Variants in C10orf105 observed in about 807,000 individuals in gnomAD.
C10orf105 encodes the protein uncharacterized protein C10orf105.
C10orf105 carries 2 observed loss-of-function variants against 0.6 expected under a neutral mutation model. The ratio of observed to expected loss-of-function variants is 3.18; its 90% CI spans 1.30 to 10.01. The LOEUF is 10.01. C10orf105 is among the 30% of genes most tolerant of loss of function. The pLI, the probability that C10orf105 is intolerant of heterozygous loss-of-function variation, is 0.04. For missense variants in C10orf105, 209 were observed against 191.4 expected (o/e 1.09, Z -0.54); for synonymous variants, 95 against 82.4 (o/e 1.15, Z -0.83).
At chr10:71,732,314 A>G (rs758048846) in intron 1 of C10orf105, 3 of 1,605,308 alleles carry the variant, frequency 1.9e-6, no homozygotes, top group Non-Finnish European at 2.6e-6. Flanking sequence ...CAAATCACGT[A>G]CCGCTTCAAC....
intron 1 of C10orf105, among the ~76,000 whole-genome samples, chr10:71,727,145 A>T (rs1866850594): frequency 6.6e-6 from 1 of 152,230 alleles, no homozygotes; most frequent in African/African-American, 2.4e-5. Context: ...TAATAGCCTT[A>T]TGAAGTAGGC....
chr10:71,737,691 A>AC (rs1564767428), intron 1 of C10orf105: 2 of 469,494 alleles, frequency 4.3e-6, no homozygotes, highest in Non-Finnish European at 8.8e-6. Context: ...AGCTCCTCCA[A>AC]CCCCCCTCAC....
At position 71,712,979 on chromosome 10, in the gene C10orf105, C is replaced by A; in HGVS notation, c.*2957G>T. 1 of 846,004 alleles carries A rather than the reference C, an allele frequency of 1.2e-6. No homozygotes were observed. The highest frequency in any genetic ancestry group is 2.0e-6 in the Non-Finnish European group (1 of 511,226). 52.4% of individuals were successfully genotyped at this position (846,004 alleles called of 1,614,324 possible). ...GTGGGGAAAGGGGGACCCAGGCCCT[C>A]TCCCATCCCAGGGAGTGTGGGCCCC... On this transcript the variant is annotated 3_prime_UTR_variant, in exon 2 of 2. Coordinates refer to ENST00000441508, the MANE Select transcript of C10orf105 (RefSeq NM_001164375.3).
upstream of C10orf105, among the ~76,000 whole-genome samples, chr10:71,720,472 C>A (rs1866506395): frequency 6.6e-6 from 1 of 152,024 alleles, no homozygotes; most frequent in Non-Finnish European, 1.5e-5. Context: ...AGCCTTCTTT[C>A]TCCCCAGAAG....
chr10:71,733,057 C>G (rs556955233), intron 1 of C10orf105, among the ~76,000 whole-genome samples: 12 of 150,990 alleles, frequency 7.9e-5, no homozygotes, highest in African/African-American at 3.0e-4. Flanking sequence ...GTTGTTTGAC[C>G]CATGCTTCTG....
At chr10:71,724,071 C>G, upstream of C10orf105, 1 of 1,560,288 alleles carries the variant, frequency 6.4e-7, no homozygotes, top group Non-Finnish European at 8.7e-7. Flanking sequence ...CAGATGAGGG[C>G]GAGTTTGGGC....
chr10:71,737,840 A>G, upstream of C10orf105: 1 of 464,248 alleles, frequency 2.2e-6, no homozygotes, highest in Non-Finnish European at 4.4e-6. Context: ...GACACAAAAC[A>G]ATATGCTCTT....
intron 1 of C10orf105, chr10:71,732,653 G>T: frequency 7.2e-7 from 1 of 1,384,252 alleles, no homozygotes; most frequent in Non-Finnish European, 9.3e-7. Context: ...ACAAAAAAAA[G>T]TCCCCGAGAT....
At chr10:71,736,214 C>G (rs916281902) in intron 1 of C10orf105, among the ~76,000 whole-genome samples, 1 of 152,276 alleles carries the variant, frequency 6.6e-6, no homozygotes, top group Non-Finnish European at 1.5e-5. Flanking sequence ...GGGCCCACCC[C>G]CTTTTGTTCT....
chr10:71,720,795 C>T (rs75489660), upstream of C10orf105, among the ~76,000 whole-genome samples: 467 of 152,310 alleles, frequency 3.1e-3, 1 homozygote, highest in African/African-American at 0.01. Context: ...AAAGAGCCCC[C>T]GTCTTCTCTC....
At chr10:71,734,750 C>T (rs1472105009) in intron 1 of C10orf105, 21 of 823,312 alleles carry the variant, frequency 2.6e-5, no homozygotes, top group Non-Finnish European at 3.2e-5. Flanking sequence ...CCCACCTCTC[C>T]CAGAGAGAAG....
intron 1 of C10orf105, among the ~76,000 whole-genome samples, chr10:71,731,158 G>A (rs897739828): frequency 2.0e-5 from 3 of 152,196 alleles, no homozygotes; most frequent in African/African-American, 4.8e-5. Flanking sequence ...GAAGCATGCC[G>A]GGTCTCTGTG....
chr10:71,724,824 T>C (rs1866735914), intron 1 of C10orf105, among the ~76,000 whole-genome samples: 1 of 152,112 alleles, frequency 6.6e-6, no homozygotes, highest in African/African-American at 2.4e-5. Context: ...GAATCAGGGG[T>C]AAAGTCACTG....
In C10orf105 at chr10:71,728,816, G is replaced by A. The variant is rs756326658; in HGVS notation, c.-6+8912C>T. On this transcript the variant is annotated intron_variant, in intron 1 of 1. Transcript: ENST00000398786. ...ACTCCTGGGCTCCAGCAATCCTCCCGCCTCAGCCTCCCTAGTAGCTGGGAT... is the reference window on the plus strand; with the variant it reads ...ACTCCTGGGCTCCAGCAATCCTCCCACCTCAGCCTCCCTAGTAGCTGGGAT... Among the ~76,000 whole-genome samples the A allele has an allele frequency of 6.8e-4, 103 of 152,100 alleles. 1 individual carries two copies. The highest frequency in any genetic ancestry group is 7.4e-4 in the Non-Finnish European group (50 of 67,998).
Position 71,712,812 on chromosome 10 carries a change from A to G in C10orf105, c.*3124T>C. The stretch of plus-strand genomic sequence containing the variant: ...ATCCCTGAAGGCCACAGCATCTTGC[A>G]GGCAGGTGGCCCGTGGCCTCTGGGG... On this transcript the variant is annotated 3_prime_UTR_variant, in exon 2 of 2. Transcript: ENST00000441508. 1 of 1,611,266 alleles carries G rather than the reference A, an allele frequency of 6.2e-7. No homozygotes were observed. Among genetic ancestry groups the G allele is most frequent in the Non-Finnish European group, 8.5e-7 (1 of 1,179,070 alleles).
At chr10:71,724,116 C>T (rs756284806), upstream of C10orf105, 34 of 1,554,880 alleles carry the variant, frequency 2.2e-5, no homozygotes, top group Non-Finnish European at 2.9e-5. Flanking sequence ...GTAAGTGGGG[C>T]TGCCCTAGGA....
chr10:71,734,141 G>T, intron 1 of C10orf105: 1 of 966,762 alleles, frequency 1.0e-6, no homozygotes. Flanking sequence ...AAGTTATGCC[G>T]GACAGAGGAA....
intron 1 of C10orf105, chr10:71,725,664 G>C: frequency 2.0e-6 from 2 of 986,328 alleles, no homozygotes; most frequent in Non-Finnish European, 2.9e-6. Context: ...CTAAGGGTTC[G>C]GTGACAGGTG....
At chr10:71,733,722 G>T (rs1380429229) in intron 1 of C10orf105, among the ~76,000 whole-genome samples, 2 of 152,198 alleles carry the variant, frequency 1.3e-5, no homozygotes, top group East Asian at 1.9e-4. Flanking sequence ...TTAGCTAGTT[G>T]TCTGGTACAC....
Sources: allele counts gnomAD v4.1 joint callset (sites outside exome capture counted in the v4.1 genomes callset), GRCh38; gene constraint gnomAD v4.1.1; transcripts MANE v1.5; gene names NCBI Gene and HGNC (gene_info 2026-07-23, HGNC 2026-07-21).